Variants in CBLB observed in about 807,000 individuals in gnomAD.
The protein encoded by CBLB is E3 ubiquitin-protein ligase CBL-B.
In CBLB, 31 loss-of-function variants were observed where a neutral mutation model predicts 104.9. The ratio of observed to expected loss-of-function variants is 0.30; its 90% CI spans 0.22 to 0.40. The LOEUF is 0.40. Among genes scored for constraint, CBLB ranks in the 10% least tolerant of loss-of-function variants. CBLB has a pLI of 1.00. For synonymous variants in CBLB, 440 were observed against 422.6 expected, an observed-to-expected ratio of 1.04 and a Z score of -0.51; for missense variants, 1,062 against 1,214.6, an observed-to-expected ratio of 0.87 and a Z score of 1.87.
rs144316253 is a variant in CBLB at position 105,662,227 on chromosome 3, A to G, written c.2690-2998T>C. Among the ~76,000 whole-genome samples, 350 of 152,244 alleles carry G rather than the reference A, an allele frequency of 2.3e-3. 2 individuals are homozygous for G. The highest frequency in any genetic ancestry group is 8.2e-3 in the African/African-American group (339 of 41,520). On this transcript the variant is annotated intron_variant, in intron 18 of 18. Transcript: ENST00000394030. ...TTTCTCCACTTTTCTTTTTCACAGT[A>G]CCTAAAAGTGGATTACACCAGGTCC...
At position 105,657,436 on chromosome 3, in the gene CBLB, C is replaced by T. The variant is rs1418440343; in HGVS notation, c.*1534G>A. On this transcript the variant is annotated 3_prime_UTR_variant, in exon 19 of 19. Transcript: ENST00000394030. ...CAGAGATGATTTTATCTCATTTCTC[C>T]ATTAATTTCCCATTTGAAATGAAAA... 1 of 211,742 alleles carries T rather than the reference C, an allele frequency of 4.7e-6. No individual in the cohort carries two copies. Among genetic ancestry groups the T allele is most frequent in the South Asian group, 1.9e-4 (1 of 5,352 alleles). The allele number at this position is 211,742 out of a possible 1,614,324, so 13.1% of individuals were successfully genotyped here.
rs146139369 is a variant in CBLB at position 105,816,493 on chromosome 3, A to T, written c.419+36921T>A. 3.0e-3 allele frequency among the ~76,000 whole-genome samples: 454 copies of T among 152,320 alleles called. 2 individuals carry two copies. The highest frequency in any genetic ancestry group is 0.011 in the African/African-American group (439 of 41,586). ...GTATACCTAAGGTTACAGGTACATT[A>T]ACAGAACTCTCATAAATACTTCTCA... On this transcript the variant is annotated intron_variant, in intron 3 of 18. Coordinates refer to ENST00000394030, the MANE Select transcript of CBLB (RefSeq NM_170662.5).
At chr3:105,729,547 T>C (rs1271526324) in intron 9 of CBLB, among the ~76,000 whole-genome samples, 3 of 151,958 alleles carry the variant, frequency 2.0e-5, no homozygotes, top group African/African-American at 7.2e-5. Flanking sequence ...GAGGAAAAAA[T>C]TGAACAAGAG....
intron 9 of CBLB, among the ~76,000 whole-genome samples, chr3:105,732,535 T>C (rs1174110560): frequency 6.6e-6 from 1 of 152,156 alleles, no homozygotes; most frequent in Non-Finnish European, 1.5e-5. Context: ...GTTACTGAGG[T>C]AGCAAAGATC....
intron 3 of CBLB, among the ~76,000 whole-genome samples, chr3:105,840,413 C>A (rs2089368177): frequency 6.6e-6 from 1 of 151,492 alleles, no homozygotes; most frequent in South Asian, 2.1e-4. Flanking sequence ...CATCGACTGA[C>A]CAGATGACAT....
chr3:105,861,992 A>C (rs1357230842), intron 2 of CBLB, among the ~76,000 whole-genome samples: 1 of 152,124 alleles, frequency 6.6e-6, no homozygotes, highest in Non-Finnish European at 1.5e-5. Context: ...TCTTCTTCTT[A>C]AAGCTGTTTG....
chr3:105,867,488 C>T lies in CBLB; in HGVS notation c.90G>A (p.Gln30=). 1 of 1,614,168 alleles carries T rather than the reference C, an allele frequency of 6.2e-7. No individual in the cohort carries two copies. The highest frequency in any genetic ancestry group is 1.1e-5 in the South Asian group (1 of 91,086). ...GRILGIIDAI[Q]DAVGPPKQAA... ...CTTGCTTAGGGGGTCCAACTGCATC[C>T]TGAATAGCATCAATAATACCCAAAA... The change falls in exon 2 of 19, where the codon CAG becomes CAA. Residue 30 remains glutamine (Q), a synonymous_variant. Coordinates refer to ENST00000394030, the MANE Select transcript of CBLB (RefSeq NM_170662.5).
intron 1 of CBLB, among the ~76,000 whole-genome samples, chr3:105,867,887 A>C (rs1431685398): frequency 6.6e-6 from 1 of 151,996 alleles, no homozygotes; most frequent in Non-Finnish European, 1.5e-5. Context: ...ATAAAAAAAA[A>C]AAAAAGAACA....
At chr3:105,665,049 G>T (rs1402259502) in intron 18 of CBLB, among the ~76,000 whole-genome samples, 1 of 152,114 alleles carries the variant, frequency 6.6e-6, no homozygotes, top group Non-Finnish European at 1.5e-5. Flanking sequence ...TTCTGCAGCA[G>T]CTTGAGTTAG....
In CBLB at chr3:105,776,430, C is replaced by T; in HGVS notation, c.532G>A (p.Ala178Thr). The T allele has an allele frequency of 6.2e-7, 1 of 1,613,750 alleles. No individual in the cohort carries two copies. The highest frequency in any genetic ancestry group is 8.5e-7 in the Non-Finnish European group (1 of 1,179,878). ...AAAAACTTTCTCCAGAATTCAGCAG[C>T]ATCTGCTTTTGTGATACGAAAGTTA... ...GDNFRITKADAAEFWRKFFGD... is the reference protein window; with the variant it reads ...GDNFRITKADTAEFWRKFFGD... The change falls in exon 4 of 19, where the codon GCT becomes ACT. Residue 178 changes from alanine (A) to threonine (T), a missense_variant. Coordinates refer to ENST00000394030, the MANE Select transcript of CBLB (RefSeq NM_170662.5).
At chr3:105,751,713 A>T (rs747141991) in intron 4 of CBLB, 95 bp from the exon 5 acceptor site, 21 of 895,280 alleles carry the variant, frequency 2.3e-5, no homozygotes, top group Non-Finnish European at 3.5e-5. Flanking sequence ...TAAAATTAAT[A>T]TAATTGTATT....
At chr3:105,754,523 C>CAGAGAGAGAG (rs1207514486) in intron 4 of CBLB, among the ~76,000 whole-genome samples, 7 of 102,758 alleles carry the variant, frequency 6.8e-5, no homozygotes, top group East Asian at 2.6e-4. Flanking sequence ...GAGAGAGAGA[C>CAGAGAGAGAG]AGAGAGAGAG....
chr3:105,736,674 A>G (rs550079546), intron 8 of CBLB, among the ~76,000 whole-genome samples: 11 of 152,268 alleles, frequency 7.2e-5, no homozygotes, highest in African/African-American at 2.6e-4. Flanking sequence ...TATAGAATTT[A>G]AAGTGAAAAG....
intron 10 of CBLB, among the ~76,000 whole-genome samples, chr3:105,708,281 A>C (rs2070510537): frequency 6.6e-6 from 1 of 152,138 alleles, no homozygotes. Flanking sequence ...GCTCAGGTTT[A>C]AATTCTAAGA....
At chr3:105,752,660 C>G (rs1431967002) in intron 4 of CBLB, among the ~76,000 whole-genome samples, 2 of 152,156 alleles carry the variant, frequency 1.3e-5, no homozygotes, top group African/African-American at 4.8e-5. Flanking sequence ...GTGCCTGGCC[C>G]CATGCTATAT....
chr3:105,783,252 C>T (rs1449564617), intron 3 of CBLB, among the ~76,000 whole-genome samples: 1 of 130,656 alleles, frequency 7.7e-6, no homozygotes, highest in Admixed American at 7.6e-5. Context: ...ATACATAAGA[C>T]ATGTAGGTAA....
Position 105,740,506 on chromosome 3 carries a change from C to A in CBLB, c.971G>T (p.Ser324Ile). The A allele has an allele frequency of 6.2e-7, 1 of 1,614,004 alleles. No homozygotes were observed. ...KPLFQALIDG[S>I]REGFYLYPDG... ...TTCTCATACTTACAATCCTTCCCTG[C>A]TGCCATCAATCAGGGCTTGAAATAA... The change falls in exon 7 of 19, where the codon AGC (serine) becomes ATC (isoleucine). Residue 324 changes from serine (S) to isoleucine (I), a missense_variant. This residue lies in a region of CBLB where 457 missense variants were observed against 632.0 expected (regional missense o/e 0.72). Transcript: ENST00000394030.
intron 2 of CBLB, among the ~76,000 whole-genome samples, chr3:105,854,409 C>A (rs1306847167): frequency 6.6e-6 from 1 of 152,166 alleles, no homozygotes; most frequent in African/African-American, 2.4e-5. Flanking sequence ...GTAAGTTAGT[C>A]CACCACATTC....
At chr3:105,683,560 A>G (rs1431476156) in intron 14 of CBLB, among the ~76,000 whole-genome samples, 1 of 152,046 alleles carries the variant, frequency 6.6e-6, no homozygotes, top group Non-Finnish European at 1.5e-5. Context: ...TCCAGCAATG[A>G]AAAAAAATAA....
Sources: gnomAD v4.1 joint callset for allele counts (sites outside exome capture counted in the v4.1 genomes callset) on GRCh38, gnomAD v4.1.1 for gene constraint, gnomAD v4.1.1 regional missense constraint, MANE v1.5 for transcripts, NCBI Gene and HGNC (gene_info 2026-07-23, HGNC 2026-07-21) for gene names.